GML: variants seen among roughly 807,000 people sequenced by gnomAD.
GML encodes glycosyl-phosphatidylinositol-anchored molecule-like protein.
In GML, 5 loss-of-function variants were observed where a neutral mutation model predicts 8.2. That is an observed-to-expected ratio of 0.61 (90% CI 0.32 to 1.28). The LOEUF is 1.28. Among genes scored for constraint, GML ranks in the 50% most tolerant of loss-of-function variants. The probability of loss-of-function intolerance (pLI) is 0.06; values close to 1 mark genes in which losing one functional copy is unlikely to be tolerated. For missense variants in GML, 191 were observed against 198.3 expected (o/e 0.96, Z 0.22); for synonymous variants, 72 against 69.0 (o/e 1.04, Z -0.22).
At chr8:142,843,298 A>ACACACACACACACACACACC (rs1031495895) in intron 3 of GML, among the ~76,000 whole-genome samples, 1 of 145,548 alleles carries the variant, frequency 6.9e-6, no homozygotes, top group African/African-American at 2.5e-5. Context: ...ACACACACAC[A>ACACACACACACACACACACC]CCATAACCCC....
At chr8:142,839,867 A>G (rs1022730417) in intron 1 of GML, among the ~76,000 whole-genome samples, 2 of 152,232 alleles carry the variant, frequency 1.3e-5, no homozygotes, top group East Asian at 3.9e-4. Context: ...CCCAGGGTGA[A>G]GGAAGACTTG....
intron 1 of GML, 39 bp from the exon 2 acceptor site, chr8:142,840,377 T>C (rs1816410470): frequency 3.1e-6 from 4 of 1,300,466 alleles, no homozygotes; most frequent in East Asian, 4.6e-5. Flanking sequence ...CAAGGAGCCA[T>C]GGCTCACTAA....
intron 1 of GML, among the ~76,000 whole-genome samples, chr8:142,837,243 G>A (rs1381378824): frequency 4.0e-5 from 6 of 151,614 alleles, no homozygotes; most frequent in African/African-American, 1.5e-4. Flanking sequence ...GTAGTGAGCC[G>A]AGATCACGCC....
In GML at chr8:142,840,503, C is replaced by T. The variant is rs138131984; in HGVS notation, c.66C>T (p.Arg22=). ...LPLVAASATM[R]AQWTYSLRCH... ...TGGTGGCAGCCAGTGCCACCATGCG[C>T]GCTCAGTGTAAGTATCATTCCCTCT... Residue 22 remains arginine (R), a synonymous_variant, in exon 2 of 4, where the codon CGC becomes CGT. Transcript: ENST00000220940. 746 of 1,605,956 alleles carry T rather than the reference C, an allele frequency of 4.6e-4. 5 individuals are homozygous for T. In the African/African-American group the frequency reaches 6.2e-3, roughly 13 times the overall value.
intron 3 of GML, among the ~76,000 whole-genome samples, chr8:142,841,640 A>G (rs1042818589): frequency 5.9e-5 from 9 of 152,186 alleles, no homozygotes; most frequent in Non-Finnish European, 1.0e-4. Context: ...GACTCCCCCC[A>G]GGGAAAAACC....
At chr8:142,837,002 G>A (rs758942603) in intron 1 of GML, among the ~76,000 whole-genome samples, 2 of 152,182 alleles carry the variant, frequency 1.3e-5, no homozygotes, top group African/African-American at 2.4e-5. Flanking sequence ...AGAACAAAGA[G>A]AAGGATTTTT....
intron 3 of GML, among the ~76,000 whole-genome samples, chr8:142,845,376 G>A (rs1345661137): frequency 6.6e-6 from 1 of 152,312 alleles, no homozygotes; most frequent in Non-Finnish European, 1.5e-5. Flanking sequence ...TGGGCACTTG[G>A]TGACAATCCA....
chr8:142,841,772 A>T (rs1423593130), intron 3 of GML, among the ~76,000 whole-genome samples: 1 of 152,164 alleles, frequency 6.6e-6, no homozygotes, highest in Non-Finnish European at 1.5e-5. Flanking sequence ...AACCTGCAGA[A>T]GATGTATGGC....
intron 1 of GML, among the ~76,000 whole-genome samples, chr8:142,839,986 G>A (rs944575035): frequency 6.6e-6 from 1 of 151,594 alleles, no homozygotes; most frequent in Middle Eastern, 3.5e-3. Context: ...CCCTCGTGTT[G>A]CTGAGCTGTG....
intron 1 of GML, among the ~76,000 whole-genome samples, chr8:142,838,578 G>A (rs919581517): frequency 1.3e-5 from 2 of 151,984 alleles, no homozygotes; most frequent in African/African-American, 4.8e-5. Context: ...AAGCCTCTGG[G>A]TAAGGAATTC....
chr8:142,835,280 G>GGAGTCCCA (rs1554650028), intron 1 of GML, among the ~76,000 whole-genome samples: 1 of 24,592 alleles, frequency 4.1e-5, no homozygotes, highest in Admixed American at 4.7e-4. Context: ...CCGCTTCCCT[G>GGAGTCCCA]GGGCCCCCCT....
At chr8:142,846,021 A>C (rs1251585487) in intron 3 of GML, among the ~76,000 whole-genome samples, 3 of 152,214 alleles carry the variant, frequency 2.0e-5, no homozygotes, top group African/African-American at 7.2e-5. Context: ...CTAGACCATA[A>C]GTGAAACATG....
intron 3 of GML, among the ~76,000 whole-genome samples, chr8:142,843,610 A>G (rs1231273358): frequency 2.0e-5 from 3 of 152,242 alleles, no homozygotes; most frequent in Non-Finnish European, 4.4e-5. Flanking sequence ...AACTTCAAAT[A>G]ACAAATATCT....
rs375334020 is a variant in GML at position 142,837,964 on chromosome 8, G to A, written c.-22-2452G>A. ...CCCCGTGAGCCAAGACGGCACTCTG[G>A]TTTGCATTCCCTACTGGAGTCCCTG... is the stretch of plus-strand genomic sequence containing the variant. On this transcript the variant is annotated intron_variant, in intron 1 of 3. Transcript: ENST00000220940. 1.6e-4 allele frequency among the ~76,000 whole-genome samples: 24 copies of A among 149,000 alleles called. No individual in the cohort carries two copies. In the South Asian group the frequency reaches 1.9e-3, roughly 12 times the overall value.
intron 3 of GML, among the ~76,000 whole-genome samples, chr8:142,842,370 T>G (rs997027896): frequency 6.6e-6 from 1 of 152,178 alleles, no homozygotes; most frequent in Non-Finnish European, 1.5e-5. Context: ...AACTGCTGAT[T>G]TGGGACATGG....
intron 3 of GML, among the ~76,000 whole-genome samples, chr8:142,843,149 G>A (rs556969419): frequency 1.2e-4 from 18 of 152,178 alleles, no homozygotes; most frequent in African/African-American, 4.3e-4. Flanking sequence ...AAGAAACGCA[G>A]GCAGTGTCCT....
At chr8:142,845,847 G>A (rs1430223480) in intron 3 of GML, among the ~76,000 whole-genome samples, 1 of 152,214 alleles carries the variant, frequency 6.6e-6, no homozygotes, top group African/African-American at 2.4e-5. Flanking sequence ...TGGGGAGGAG[G>A]TTGGCACCAA....
chr8:142,840,463 C>T lies in GML; in HGVS notation c.26C>T (p.Ala9Val), dbSNP rs756903332. Residue 9 changes from alanine to valine, a missense_variant, in exon 2 of 4, where the codon GCC (alanine) becomes GTC (valine). Coordinates refer to ENST00000220940, the MANE Select transcript of GML (RefSeq NM_002066.3). MLLFALLLAMELPLVAASA... is the reference protein window; with the variant it reads MLLFALLLVMELPLVAASA... ...ATGCTCCTCTTTGCCTTACTCCTAG[C>T]CATGGAGCTCCCATTGGTGGCAGCC... The T allele has an allele frequency of 6.8e-6, 11 of 1,613,680 alleles. No individual in the cohort carries two copies. The Admixed American group carries it at 1.7e-4, about 24-fold the overall frequency.
chr8:142,839,164 T>C (rs752164859), intron 1 of GML, among the ~76,000 whole-genome samples: 26 of 151,944 alleles, frequency 1.7e-4, no homozygotes, highest in Non-Finnish European at 3.7e-4. Flanking sequence ...ACGGGGCTGC[T>C]GGGTCTCAGG....
Sources: gnomAD v4.1 joint callset for allele counts (sites outside exome capture counted in the v4.1 genomes callset) on GRCh38, gnomAD v4.1.1 for gene constraint, MANE v1.5 for transcripts, NCBI Gene and HGNC (gene_info 2026-07-23, HGNC 2026-07-21) for gene names.